The following PTPRD variants were observed in gnomAD, a reference collection of about 807,000 sequenced individuals.
PTPRD encodes the protein protein tyrosine phosphatase receptor type D, also known as receptor-type tyrosine-protein phosphatase delta.
Under a neutral mutation model 214.5 loss-of-function variants are expected in PTPRD, and 34 were observed. The ratio of observed to expected loss-of-function variants is 0.16; its 90% CI spans 0.12 to 0.21. The LOEUF is 0.21. PTPRD is among the 10% of genes least tolerant of loss of function. PTPRD has a pLI of 1.00. For missense variants in PTPRD, 2,545 were observed against 2,398.7 expected (o/e 1.06, Z -1.27); for synonymous variants, 1,128 against 845.7 (o/e 1.33, Z -5.79).
chr9:9,948,791 A>T (rs1320628831), intron 4 of PTPRD, among the ~76,000 whole-genome samples: 1 of 152,092 alleles, frequency 6.6e-6, no homozygotes, highest in Non-Finnish European at 1.5e-5. Flanking sequence ...ATTATATTAG[A>T]TCTGATCTCA....
intron 10 of PTPRD, among the ~76,000 whole-genome samples, chr9:9,082,696 A>T (rs1272143601): frequency 6.6e-6 from 1 of 152,212 alleles, no homozygotes; most frequent in Non-Finnish European, 1.5e-5. Flanking sequence ...AAGCAACTTC[A>T]GCAAAGTCTC....
intron 9 of PTPRD, among the ~76,000 whole-genome samples, chr9:9,207,058 T>C (rs952072162): frequency 1.3e-5 from 2 of 152,122 alleles, no homozygotes; most frequent in South Asian, 4.1e-4. Context: ...AGATTCTGGA[T>C]TTATTTTGAA....
At chr9:8,991,520 T>C (rs1335421606) in intron 11 of PTPRD, among the ~76,000 whole-genome samples, 3 of 152,140 alleles carry the variant, frequency 2.0e-5, no homozygotes, top group African/African-American at 7.2e-5. Context: ...ATACCCTCAG[T>C]CCTGTATGAA....
At chr9:10,203,686 C>T (rs1021083248) in intron 3 of PTPRD, among the ~76,000 whole-genome samples, 3 of 152,052 alleles carry the variant, frequency 2.0e-5, no homozygotes, top group African/African-American at 7.2e-5. Context: ...CTGCTTCTCC[C>T]TACTAAGAAT....
chr9:8,682,636 G>A (rs369106119), intron 12 of PTPRD, among the ~76,000 whole-genome samples: 1 of 152,084 alleles, frequency 6.6e-6, no homozygotes, highest in Non-Finnish European at 1.5e-5. Context: ...TGTTATCCTA[G>A]TGTAGCAGGT....
intron 9 of PTPRD, among the ~76,000 whole-genome samples, chr9:9,319,234 T>A (rs947928858): frequency 6.6e-6 from 1 of 152,180 alleles, no homozygotes; most frequent in Non-Finnish European, 1.5e-5. Context: ...CAGATTGCAA[T>A]TGTGCTTTTG....
chr9:9,652,892 G>C (rs1023568419), intron 7 of PTPRD, among the ~76,000 whole-genome samples: 19 of 151,944 alleles, frequency 1.3e-4, no homozygotes, highest in Non-Finnish European at 2.9e-5. Flanking sequence ...GGGATTATAG[G>C]CATGTGCCAC....
intron 9 of PTPRD, among the ~76,000 whole-genome samples, chr9:9,394,108 G>C (rs896386964): frequency 6.6e-5 from 10 of 151,990 alleles, no homozygotes; most frequent in Non-Finnish European, 1.3e-4. Flanking sequence ...CCTAAAATAT[G>C]ATGTAATAAA....
Position 8,331,703 on chromosome 9 carries a change from A to C in PTPRD, c.5413T>G (p.Phe1805Val), listed in dbSNP as rs2131648811. ...GQSRTVRQFQ[F>V]TDWPEQGVPK... ...ACTCCTTGCTCTGGCCAGTCAGTGAACTGGAACTGCCTTACTGTTCGGGAC... is the reference window on the plus strand; with the variant it reads ...ACTCCTTGCTCTGGCCAGTCAGTGACCTGGAACTGCCTTACTGTTCGGGAC... The change falls in exon 44 of 46, where the codon TTC (phenylalanine) becomes GTC (valine). Residue 1805 changes from phenylalanine to valine, a missense_variant. Coordinates refer to ENST00000381196, the MANE Select transcript of PTPRD (RefSeq NM_002839.4). The C allele has an allele frequency of 1.2e-6, 2 of 1,613,378 alleles. No individual in the cohort carries two copies. The highest frequency in any genetic ancestry group is 1.7e-6 in the Non-Finnish European group (2 of 1,179,666).
intron 3 of PTPRD, among the ~76,000 whole-genome samples, chr9:10,105,508 C>T (rs1246129819): frequency 2.6e-5 from 4 of 151,810 alleles, no homozygotes; most frequent in Non-Finnish European, 1.5e-5. Flanking sequence ...CCTCTACTTT[C>T]TACGAATTTC....
At chr9:10,428,459 T>G (rs2098645898) in intron 2 of PTPRD, among the ~76,000 whole-genome samples, 1 of 152,236 alleles carries the variant, frequency 6.6e-6, no homozygotes, top group South Asian at 2.1e-4. Context: ...AAGTGCCACA[T>G]GTTGCAAACA....
intron 12 of PTPRD, among the ~76,000 whole-genome samples, chr9:8,711,294 G>A (rs1199964187): frequency 1.3e-5 from 2 of 151,826 alleles, no homozygotes; most frequent in Non-Finnish European, 2.9e-5. Context: ...TAACAAGTAC[G>A]CCTTTTAATC....
At chr9:10,601,429 C>T (rs758409861) in intron 2 of PTPRD, among the ~76,000 whole-genome samples, 2 of 151,850 alleles carry the variant, frequency 1.3e-5, no homozygotes, top group East Asian at 1.9e-4. Context: ...AAGTAATATA[C>T]TGTCTTACAG....
At chr9:10,473,315 A>C (rs899327734) in intron 2 of PTPRD, among the ~76,000 whole-genome samples, 1 of 152,102 alleles carries the variant, frequency 6.6e-6, no homozygotes, top group South Asian at 2.1e-4. Flanking sequence ...CATACCAAAA[A>C]GCACATCTTC....
intron 2 of PTPRD, among the ~76,000 whole-genome samples, chr9:10,529,670 A>T (rs186609813): frequency 5.3e-5 from 8 of 151,980 alleles, no homozygotes; most frequent in Admixed American, 3.9e-4. Flanking sequence ...ATACGTATGT[A>T]ACAAAACTGC....
chr9:9,509,813 A>G (rs1590214936), intron 8 of PTPRD, among the ~76,000 whole-genome samples: 1 of 150,662 alleles, frequency 6.6e-6, no homozygotes, highest in East Asian at 1.9e-4. Flanking sequence ...TAAAAAAAAA[A>G]CATTAAAAAA....
At position 9,347,062 on chromosome 9, in the gene PTPRD, G is replaced by A. The variant is rs560657660; in HGVS notation, c.-203+50387C>T. ...CACGCTTGTAACCTTAACACTTTGG[G>A]AAGCCAATGCAGGAGCATCACTTGA... On this transcript the variant is annotated intron_variant, in intron 9 of 45. Coordinates refer to ENST00000381196, the MANE Select transcript of PTPRD (RefSeq NM_002839.4). 7.2e-5 allele frequency among the ~76,000 whole-genome samples: 11 copies of A among 152,182 alleles called. No homozygotes were observed. In the South Asian group the frequency reaches 2.3e-3, roughly 32 times the overall value.
At chr9:10,223,022 T>C (rs1343211086) in intron 3 of PTPRD, among the ~76,000 whole-genome samples, 4 of 152,016 alleles carry the variant, frequency 2.6e-5, no homozygotes, top group Non-Finnish European at 5.9e-5. Context: ...AGAGTAAAAA[T>C]TAGCAACAAT....
chr9:10,180,807 T>G (rs1001534586), intron 3 of PTPRD, among the ~76,000 whole-genome samples: 6 of 152,004 alleles, frequency 3.9e-5, no homozygotes, highest in Non-Finnish European at 7.4e-5. Flanking sequence ...AGTCAAAGGA[T>G]AGAAATCACA....
Sources: allele counts gnomAD v4.1 joint callset (sites outside exome capture counted in the v4.1 genomes callset), GRCh38; gene constraint gnomAD v4.1.1; transcripts MANE v1.5; gene names NCBI Gene and HGNC (gene_info 2026-07-23, HGNC 2026-07-21).